DMD: variants seen among roughly 807,000 people sequenced by gnomAD.
DMD encodes the protein mutant dystrophin.
Under a neutral mutation model 330.1 loss-of-function variants are expected in DMD, and 63 were observed. The ratio of observed to expected loss-of-function variants is 0.19; its 90% CI spans 0.16 to 0.24. The LOEUF is 0.24. Ranked by LOEUF, DMD falls within the 10% of genes least tolerant of loss-of-function variation. The pLI is 1.00. For missense variants in DMD, 3,344 were observed against 2,684.1 expected (o/e 1.25, Z -5.43); for synonymous variants, 1,223 against 959.8 (o/e 1.27, Z -5.07).
intron 29 of DMD, among the ~76,000 whole-genome samples, chrX:32,416,371 T>C (rs1042650750): frequency 8.0e-5 from 9 of 111,889 alleles, no homozygotes; most frequent in Non-Finnish European, 1.5e-4. Flanking sequence ...AAGACACTTT[T>C]ATTTTTGGTG....
intron 71 of DMD, among the ~76,000 whole-genome samples, chrX:31,176,040 G>A (rs1369082084): frequency 9.0e-6 from 1 of 111,601 alleles, no homozygotes; most frequent in African/African-American, 3.2e-5. Context: ...CATAGGATTT[G>A]TTAACATTAG....
In DMD at chrX:33,181,347, A is replaced by G. The variant is rs779781319; in HGVS notation, c.31+29935T>C. ...ATAACCCCAGGCCAGATAAAACTATAAAAAAAAAATGACTGGTCTCTATAT... is the reference window on the plus strand; with the variant it reads ...ATAACCCCAGGCCAGATAAAACTATGAAAAAAAAATGACTGGTCTCTATAT... On this transcript the variant is annotated intron_variant, in intron 1 of 78. Transcript: ENST00000357033. 9.5e-5 allele frequency among the ~76,000 whole-genome samples: 8 copies of G among 84,107 alleles called. No individual in the cohort carries two copies. The South Asian group carries it at 6.4e-3, about 68-fold the overall frequency. 73.0% of individuals were successfully genotyped at this position (84,107 alleles called of 115,157 possible). A position where few individuals can be genotyped will look rare whatever the true frequency, so the allele number is the denominator to read the frequency against.
chrX:31,259,564 T>G (rs2050306273), intron 63 of DMD, among the ~76,000 whole-genome samples: 1 of 112,209 alleles, frequency 8.9e-6, no homozygotes, highest in African/African-American at 3.2e-5. Context: ...GTTTACACAC[T>G]TATAACCAGA....
chrX:32,705,092 CAT>C (rs1241363819), intron 7 of DMD, among the ~76,000 whole-genome samples: 2 of 112,138 alleles, frequency 1.8e-5, no homozygotes, highest in Non-Finnish European at 3.8e-5. Flanking sequence ...CTGCATTGTA[CAT>C]ACATGTATTC....
intron 63 of DMD, among the ~76,000 whole-genome samples, chrX:31,228,751 A>C (rs2046921139): frequency 8.9e-6 from 1 of 112,022 alleles, no homozygotes; most frequent in Non-Finnish European, 1.9e-5. Context: ...CACAGCCGGA[A>C]CTCAAGAGGA....
chrX:32,625,517 T>G (rs751329562), intron 11 of DMD, among the ~76,000 whole-genome samples: 1 of 112,143 alleles, frequency 8.9e-6, no homozygotes, highest in Non-Finnish European at 1.9e-5. Context: ...TCCTCCAATG[T>G]CTATGAGGAA....
rs2095048470 is a variant in DMD at position 33,089,015 on chromosome X, G to A, written c.32-68815C>T. ...AAATGTGAAGTTGGCGGGTTCAAAC[G>A]AATATTGGCGCCATGAGGAGGCTCA... On this transcript the variant is annotated intron_variant, in intron 1 of 78. Transcript: ENST00000357033. Among the ~76,000 whole-genome samples, 5 of 108,080 alleles carry A rather than the reference G, an allele frequency of 4.6e-5. No homozygotes were observed. In the South Asian group the frequency reaches 2.0e-3, roughly 44 times the overall value. The allele number at this position is 108,080 out of a possible 115,157, so 93.9% of individuals were successfully genotyped here. A position where few individuals can be genotyped will look rare whatever the true frequency, so the allele number is the denominator to read the frequency against.
intron 43 of DMD, among the ~76,000 whole-genome samples, chrX:32,274,568 G>A (rs999976789): frequency 8.9e-6 from 1 of 111,810 alleles, no homozygotes; most frequent in Admixed American, 9.5e-5. Flanking sequence ...TAAGCTGATG[G>A]GCAGAAACAA....
At chrX:33,085,213 TAAC>T (rs973328030) in intron 1 of DMD, among the ~76,000 whole-genome samples, 20 of 111,946 alleles carry the variant, frequency 1.8e-4, no homozygotes, top group African/African-American at 6.2e-4. Context: ...CCTGAAAACA[TAAC>T]AACAACTTCG....
intron 7 of DMD, among the ~76,000 whole-genome samples, chrX:32,732,651 C>T (rs1478396485): frequency 1.8e-5 from 2 of 111,090 alleles, no homozygotes; most frequent in East Asian, 5.7e-4. Flanking sequence ...AATTTCACAT[C>T]CAGGCAAACT....
intron 5 of DMD, 86 bp downstream of exon 5, chrX:32,823,209 T>C (rs1481120352): frequency 5.3e-6 from 4 of 756,703 alleles, no homozygotes; most frequent in Middle Eastern, 3.4e-4. Flanking sequence ...TTGTTAGAAA[T>C]ACACATTTGT....
chrX:31,801,751 A>C (rs1217996191), intron 50 of DMD, among the ~76,000 whole-genome samples: 2 of 111,530 alleles, frequency 1.8e-5, no homozygotes, highest in African/African-American at 6.5e-5. Flanking sequence ...CTAGGTAAGG[A>C]GGAGGCAGAG....
chrX:32,062,619 CT>C (rs765314802), intron 44 of DMD, among the ~76,000 whole-genome samples: 7 of 110,895 alleles, frequency 6.3e-5, no homozygotes, highest in Middle Eastern at 4.7e-3. Context: ...GCATGTGTTA[CT>C]TTTGTATATC....
At chrX:32,293,580 T>C (rs331331) in intron 42 of DMD, among the ~76,000 whole-genome samples, 23,764 of 111,190 alleles carry the variant, frequency 0.21, 1,840 homozygotes, top group East Asian at 0.33. Flanking sequence ...AGACTGTCTT[T>C]TGCTGTCATC....
chrX:32,673,800 C>A (rs995552788), intron 9 of DMD, among the ~76,000 whole-genome samples: 1 of 112,093 alleles, frequency 8.9e-6, no homozygotes, highest in Non-Finnish European at 1.9e-5. Context: ...TTGTGCAAAG[C>A]ACAGAGGCCT....
At chrX:32,720,062 AAAGC>A (rs2066126816) in intron 7 of DMD, among the ~76,000 whole-genome samples, 1 of 111,254 alleles carries the variant, frequency 9.0e-6, no homozygotes, top group African/African-American at 3.3e-5. Flanking sequence ...ACTTACAAGT[AAAGC>A]AAACAAGACA....
chrX:32,775,683 C>G (rs1386827258), intron 7 of DMD, among the ~76,000 whole-genome samples: 7 of 112,900 alleles, frequency 6.2e-5, no homozygotes, highest in Non-Finnish European at 9.4e-5. Context: ...TGGGCCTGGC[C>G]CACCAAACCA....
intron 2 of DMD, among the ~76,000 whole-genome samples, chrX:32,880,609 G>A (rs188644702): frequency 8.9e-6 from 1 of 112,399 alleles, no homozygotes; most frequent in Non-Finnish European, 1.9e-5. Flanking sequence ...CTTAACTACA[G>A]TGCCAGGTAT....
At position 33,154,162 on chromosome X, in the gene DMD, C is replaced by T. The variant is rs183061293; in HGVS notation, c.31+57120G>A. Among the ~76,000 whole-genome samples the T allele has an allele frequency of 1.5e-4, 17 of 111,507 alleles. No homozygotes were observed. In the East Asian group the frequency reaches 3.7e-3, roughly 24 times the overall value. On this transcript the variant is annotated intron_variant, in intron 1 of 78. Coordinates refer to ENST00000357033, the MANE Select transcript of DMD (RefSeq NM_004006.3). ...CTGTAATCCCAGCACTTTGGGAGGC[C>T]GAGGCAGGCAGATCATTTGAGGTCA...
Sources: gnomAD v4.1 joint callset for allele counts (sites outside exome capture counted in the v4.1 genomes callset) on GRCh38, gnomAD v4.1.1 for gene constraint, MANE v1.5 for transcripts, NCBI Gene and HGNC (gene_info 2026-07-23, HGNC 2026-07-21) for gene names.